HECW2: variants seen among roughly 807,000 people sequenced by gnomAD.
The protein encoded by HECW2 is E3 ubiquitin-protein ligase HECW2.
Under a neutral mutation model 175.2 loss-of-function variants are expected in HECW2, and 61 were observed. That is an observed-to-expected ratio of 0.35 (90% CI 0.28 to 0.43). HECW2 has a LOEUF of 0.43. HECW2 is among the 20% of genes least tolerant of loss of function. The probability of loss-of-function intolerance (pLI) is 1.00; values close to 1 mark genes in which losing one functional copy is unlikely to be tolerated. For synonymous variants in HECW2, 671 were observed against 731.0 expected, an observed-to-expected ratio of 0.92 and a Z score of 1.32; for missense variants, 1,524 against 2,000.5, an observed-to-expected ratio of 0.76 and a Z score of 4.54.
At chr2:196,454,510 T>C (rs1255887254) in intron 1 of HECW2, among the ~76,000 whole-genome samples, 1 of 152,238 alleles carries the variant, frequency 6.6e-6, no homozygotes, top group African/African-American at 2.4e-5. Flanking sequence ...ACATTCATTA[T>C]TGCACACTTG....
At chr2:196,341,867 A>G (rs572902192) in intron 3 of HECW2, among the ~76,000 whole-genome samples, 1 of 152,376 alleles carries the variant, frequency 6.6e-6, no homozygotes, top group East Asian at 1.9e-4. Context: ...AATTCAAAGT[A>G]ACAGATGTTA....
chr2:196,495,762 A>G (rs1054512245), intron 1 of HECW2, among the ~76,000 whole-genome samples: 12 of 152,338 alleles, frequency 7.9e-5, no homozygotes, highest in Non-Finnish European at 1.8e-4. Flanking sequence ...CACCATTAGG[A>G]TTCTATGAGA....
intron 1 of HECW2, among the ~76,000 whole-genome samples, chr2:196,583,054 T>C (rs13432554): frequency 0.19 from 28,786 of 152,152 alleles, 3,110 homozygotes; most frequent in African/African-American, 0.3. Context: ...AAGTCCATGT[T>C]CAGGGAGTTA....
At chr2:196,503,504 A>G (rs993117142) in intron 1 of HECW2, among the ~76,000 whole-genome samples, 1 of 152,158 alleles carries the variant, frequency 6.6e-6, no homozygotes, top group African/African-American at 2.4e-5. Context: ...ACTAGGGACA[A>G]GGGAAAAACA....
intron 2 of HECW2, among the ~76,000 whole-genome samples, chr2:196,416,781 T>A (rs1269014247): frequency 6.6e-6 from 1 of 152,256 alleles, no homozygotes; most frequent in African/African-American, 2.4e-5. Context: ...TGTTATTATT[T>A]GTTTGTTTTC....
chr2:196,264,805 T>C (rs554714517), intron 17 of HECW2, among the ~76,000 whole-genome samples: 18 of 152,194 alleles, frequency 1.2e-4, no homozygotes, highest in Non-Finnish European at 2.5e-4. Context: ...AGTACATCCA[T>C]TCAAATAAAA....
intron 2 of HECW2, among the ~76,000 whole-genome samples, chr2:196,412,076 G>T (rs180931327): frequency 1.1e-3 from 164 of 152,192 alleles, no homozygotes; most frequent in Admixed American, 1.9e-3. Flanking sequence ...TCAGTTTAAG[G>T]TTCATTATTT....
At chr2:196,569,830 C>T (rs958163108) in intron 1 of HECW2, among the ~76,000 whole-genome samples, 1 of 152,210 alleles carries the variant, frequency 6.6e-6, no homozygotes, top group Admixed American at 6.5e-5. Context: ...TATGTGAAGG[C>T]ACATGGAAAA....
intron 1 of HECW2, among the ~76,000 whole-genome samples, chr2:196,554,513 G>A (rs2125489539): frequency 6.6e-6 from 1 of 152,256 alleles, no homozygotes; most frequent in Admixed American, 6.5e-5. Context: ...TTGAAGCCCT[G>A]AGACCTTAAT....
chr2:196,228,156 G>A lies in HECW2; in HGVS notation c.3863C>T (p.Thr1288Ile). ...CATAGGACTTATTTGTACTGTGTAT[G>A]TGTCATTGGCTGAATATTCAAATAA... ...YGLFEYSAND[T>I]YTVQISPMSA... Residue 1288 changes from threonine to isoleucine, a missense_variant, in exon 22 of 29, where the codon ACA (threonine) becomes ATA (isoleucine). By Grantham distance (89) the Thr-to-Ile change is moderately conservative. Transcript: ENST00000644978. 1 of 1,613,500 alleles carries A rather than the reference G, an allele frequency of 6.2e-7. No individual in the cohort carries two copies.
chr2:196,433,268 C>T lies in HECW2; in HGVS notation c.156G>A (p.Leu52=). The change falls in exon 2 of 29, where the codon CTG becomes CTA. Residue 52 remains leucine (L), a synonymous_variant. Coordinates refer to ENST00000644978, the MANE Select transcript of HECW2 (RefSeq NM_001348768.2). Reference sequence around the variant, plus strand: ...AGCTGGAGCGGCTCTCAGAAGTCACCAGGTCGGTGTCGCTGTTGGCCCGCT... The same window carrying T: ...AGCTGGAGCGGCTCTCAGAAGTCACTAGGTCGGTGTCGCTGTTGGCCCGCT... ...TLQRANSDTD[L]VTSESRSSLT... 6.2e-7 allele frequency: 1 copy of T among 1,614,160 alleles called. No individual in the cohort carries two copies. Among genetic ancestry groups the T allele is most frequent in the Non-Finnish European group, 8.5e-7 (1 of 1,180,018 alleles).
intron 14 of HECW2, among the ~76,000 whole-genome samples, chr2:196,279,053 A>T (rs1026831406): frequency 2.6e-5 from 4 of 151,786 alleles, no homozygotes; most frequent in South Asian, 2.1e-4. Flanking sequence ...TTAAAAAAAA[A>T]AATTTTTTTT....
chr2:196,335,518 G>A (rs1692519809), intron 3 of HECW2, among the ~76,000 whole-genome samples: 2 of 152,272 alleles, frequency 1.3e-5, no homozygotes, highest in South Asian at 4.1e-4. Context: ...AAGTGGGGCT[G>A]CTCAATGTAT....
intron 5 of HECW2, among the ~76,000 whole-genome samples, chr2:196,326,699 C>T (rs1368901900): frequency 6.6e-6 from 1 of 152,092 alleles, no homozygotes; most frequent in Non-Finnish European, 1.5e-5. Context: ...ACCTCTGCCT[C>T]CCAAAGTGCT....
chr2:196,583,788 T>A (rs1322145723), intron 1 of HECW2, among the ~76,000 whole-genome samples: 1 of 152,250 alleles, frequency 6.6e-6, no homozygotes, highest in Non-Finnish European at 1.5e-5. Flanking sequence ...GGTTATTGAA[T>A]ATTCACTATG....
intron 14 of HECW2, among the ~76,000 whole-genome samples, chr2:196,279,279 A>C (rs1690098020): frequency 6.6e-6 from 1 of 152,088 alleles, no homozygotes; most frequent in Non-Finnish European, 1.5e-5. Flanking sequence ...CAATCTCCTG[A>C]CCTCGTGATC....
chr2:196,525,214 C>A (rs1217865546), intron 1 of HECW2, among the ~76,000 whole-genome samples: 1 of 146,040 alleles, frequency 6.8e-6, no homozygotes. Flanking sequence ...TTGAATTGAT[C>A]CCTTTACCAT....
intron 19 of HECW2, 129 bp downstream of exon 19, chr2:196,253,791 G>A (rs1688947404): frequency 2.7e-6 from 2 of 742,860 alleles, no homozygotes; most frequent in Non-Finnish European, 4.4e-6. Context: ...AAATGCACAC[G>A]TGTATCTGTG....
chr2:196,248,418 C>G (rs559398419), intron 19 of HECW2, among the ~76,000 whole-genome samples: 1 of 152,054 alleles, frequency 6.6e-6, no homozygotes, highest in Admixed American at 6.5e-5. Context: ...ACTTCCCCAT[C>G]CCTACCCACC....
Sources: gnomAD v4.1 joint callset for allele counts (sites outside exome capture counted in the v4.1 genomes callset) on GRCh38, gnomAD v4.1.1 for gene constraint, MANE v1.5 for transcripts, NCBI Gene and HGNC (gene_info 2026-07-23, HGNC 2026-07-21) for gene names.